AFG1L: variants seen among roughly 807,000 people sequenced by gnomAD.
AFG1L encodes AFG1 like ATPase.
Under a neutral mutation model 62.2 loss-of-function variants are expected in AFG1L, and 53 were observed. That is an observed-to-expected ratio of 0.85 (90% CI 0.68 to 1.07). AFG1L has a LOEUF of 1.07. Ranked by LOEUF, AFG1L falls within the 50% of genes least tolerant of loss-of-function variation. AFG1L has a pLI of 0.00. For missense variants in AFG1L, 555 were observed against 590.5 expected, an observed-to-expected ratio of 0.94 and a Z score of 0.62; for synonymous variants, 228 against 210.3, an observed-to-expected ratio of 1.08 and a Z score of -0.73.
intron 1 of AFG1L, among the ~76,000 whole-genome samples, chr6:108,313,703 C>G (rs1777492265): frequency 6.6e-6 from 1 of 151,988 alleles, no homozygotes; most frequent in African/African-American, 2.4e-5. Context: ...CCACACCTGG[C>G]TAAGTTTTGT....
chr6:108,310,523 A>C (rs539650766), intron 1 of AFG1L, among the ~76,000 whole-genome samples: 201 of 151,196 alleles, frequency 1.3e-3, no homozygotes, highest in African/African-American at 4.6e-3. Flanking sequence ...TCCTTATCAG[A>C]GATGTGATTT....
Position 108,436,238 on chromosome 6 carries a change from G to A in AFG1L, c.808-10976G>A, listed in dbSNP as rs137933867. On this transcript the variant is annotated intron_variant, in intron 7 of 12. Transcript: ENST00000368977. ...TGGCTCACTGCAACATCTACCTCCC[G>A]GGTTCAAGTGATTTTCCTGTCTCAG... 9.6e-3 allele frequency among the ~76,000 whole-genome samples: 1,462 copies of A among 152,016 alleles called. 12 individuals carry two copies. Among genetic ancestry groups the A allele is most frequent in the Middle Eastern group, 0.02 (6 of 294 alleles).
intron 6 of AFG1L, among the ~76,000 whole-genome samples, chr6:108,380,126 A>T (rs1780434218): frequency 6.6e-6 from 1 of 151,740 alleles, no homozygotes; most frequent in African/African-American, 2.4e-5. Context: ...CTTCCTGGGC[A>T]TGTAACAGAG....
chr6:108,472,197 T>C (rs573297716), intron 8 of AFG1L, among the ~76,000 whole-genome samples: 31 of 152,216 alleles, frequency 2.0e-4, no homozygotes, highest in African/African-American at 7.0e-4. Flanking sequence ...GAGCAGTCAT[T>C]ACCAGGGATG....
intron 10 of AFG1L, 64 bp downstream of exon 10, chr6:108,477,356 C>T: frequency 2.2e-6 from 2 of 900,766 alleles, no homozygotes; most frequent in Non-Finnish European, 1.7e-6. Context: ...TCGTGTTTTC[C>T]TCTCTGCCCA....
intron 7 of AFG1L, among the ~76,000 whole-genome samples, chr6:108,403,071 A>G (rs1295268284): frequency 2.6e-5 from 4 of 152,198 alleles, no homozygotes; most frequent in African/African-American, 9.6e-5. Context: ...CCTACTATGT[A>G]CAATGTGTTG....
At chr6:108,429,549 C>T (rs2045836343) in intron 7 of AFG1L, among the ~76,000 whole-genome samples, 1 of 152,064 alleles carries the variant, frequency 6.6e-6, no homozygotes, top group Admixed American at 6.6e-5. Context: ...ACAGCCAAAC[C>T]ATATCAGTAT....
intron 8 of AFG1L, among the ~76,000 whole-genome samples, chr6:108,460,724 G>C (rs947139630): frequency 6.6e-6 from 1 of 152,162 alleles, no homozygotes; most frequent in East Asian, 1.9e-4. Flanking sequence ...TTGGGAGGCC[G>C]AGGCGGGAGG....
At chr6:108,503,400 A>G (rs1008105232) in intron 10 of AFG1L, among the ~76,000 whole-genome samples, 3 of 152,200 alleles carry the variant, frequency 2.0e-5, no homozygotes, top group Non-Finnish European at 2.9e-5. Flanking sequence ...TGAAAACAAC[A>G]TTCATCTCTT....
intron 7 of AFG1L, among the ~76,000 whole-genome samples, chr6:108,405,596 C>T (rs1231117723): frequency 6.6e-6 from 1 of 152,312 alleles, no homozygotes; most frequent in Admixed American, 6.5e-5. Context: ...ATTTGCCTGC[C>T]TCCACCTCCC....
chr6:108,346,956 G>A, intron 2 of AFG1L, 32 bp from the exon 3 acceptor site: 1 of 1,519,632 alleles, frequency 6.6e-7, no homozygotes, highest in Non-Finnish European at 9.1e-7. Flanking sequence ...TATTTGCATG[G>A]TAGAGATTTA....
chr6:108,510,682 C>G (rs1236418320), intron 11 of AFG1L, among the ~76,000 whole-genome samples: 1 of 152,240 alleles, frequency 6.6e-6, no homozygotes, highest in Non-Finnish European at 1.5e-5. Context: ...TTCTACCAGA[C>G]AGCTTATGCG....
chr6:108,309,136 C>T (rs1777313324), intron 1 of AFG1L, among the ~76,000 whole-genome samples: 1 of 152,090 alleles, frequency 6.6e-6, no homozygotes, highest in Non-Finnish European at 1.5e-5. Flanking sequence ...TATTGTTTTA[C>T]CTTTCATGTT....
intron 7 of AFG1L, among the ~76,000 whole-genome samples, chr6:108,445,363 G>A (rs1042989298): frequency 6.6e-6 from 1 of 152,134 alleles, no homozygotes; most frequent in Non-Finnish European, 1.5e-5. Context: ...TGTGGTTCAT[G>A]TGTTCACTGG....
At chr6:108,462,044 G>C (rs1027835302) in intron 8 of AFG1L, among the ~76,000 whole-genome samples, 2 of 151,830 alleles carry the variant, frequency 1.3e-5, no homozygotes, top group Non-Finnish European at 2.9e-5. Flanking sequence ...GCAGTGAGCC[G>C]AGATTGTACC....
In AFG1L at chr6:108,457,908, T is replaced by C. The variant is rs115484762; in HGVS notation, c.890+10612T>C. On this transcript the variant is annotated intron_variant, in intron 8 of 12. Transcript: ENST00000368977. ...CTTTCTTCCTTCCCCCTTTTCTTCC[T>C]TCCTTCCTCTCTCTTTCTTCCTTCC... Among the ~76,000 whole-genome samples, 305 of 151,922 alleles carry C rather than the reference T, an allele frequency of 2.0e-3. 1 individual carries two copies. The highest frequency in any genetic ancestry group is 7.3e-3 in the African/African-American group (302 of 41,464).
At chr6:108,323,740 A>G in intron 1 of AFG1L, 85 bp from the exon 2 acceptor site, 5 of 904,650 alleles carry the variant, frequency 5.5e-6, no homozygotes, top group Non-Finnish European at 8.7e-6. Context: ...ACTAGTTAAA[A>G]GTTTGAATTT....
At chr6:108,323,078 T>C (rs1313976528) in intron 1 of AFG1L, among the ~76,000 whole-genome samples, 1 of 152,212 alleles carries the variant, frequency 6.6e-6, no homozygotes, top group African/African-American at 2.4e-5. Context: ...CTGAATGTTA[T>C]GTTGTCTTTG....
chr6:108,433,695 C>T (rs767810785), intron 7 of AFG1L, among the ~76,000 whole-genome samples: 24 of 152,054 alleles, frequency 1.6e-4, no homozygotes, highest in Admixed American at 9.8e-4. Context: ...CCAGTTCAAG[C>T]GATTCTCCTG....
Sources: gnomAD v4.1 joint callset for allele counts (sites outside exome capture counted in the v4.1 genomes callset) on GRCh38, gnomAD v4.1.1 for gene constraint, MANE v1.5 for transcripts, NCBI Gene and HGNC (gene_info 2026-07-23, HGNC 2026-07-21) for gene names.